XPO5: variants seen among roughly 807,000 people sequenced by gnomAD.
XPO5 encodes the protein exportin-5.
In XPO5, 46 loss-of-function variants were observed where a neutral mutation model predicts 160.6. That is an observed-to-expected ratio of 0.29 (90% confidence interval 0.23 to 0.37). The LOEUF is 0.37. Ranked by LOEUF, XPO5 falls within the 10% of genes least tolerant of loss-of-function variation. XPO5 has a pLI of 1.00. For missense variants in XPO5, 1,090 were observed against 1,463.9 expected (o/e 0.74, Z 4.17); for synonymous variants, 537 against 519.3 (o/e 1.03, Z -0.46).
In XPO5 at chr6:43,525,918, T is replaced by C. The variant is rs1468330709; in HGVS notation, c.2987A>G (p.Glu996Gly). 6.2e-7 allele frequency: 1 copy of C among 1,613,970 alleles called. No homozygotes were observed. The highest frequency in any genetic ancestry group is 8.5e-7 in the Non-Finnish European group (1 of 1,179,866). ...GGTGACCTCTGTGGCCATCATTTCT[T>C]CATCTGTTATCAGAGAGTAGAATGT... ...SSAPPADGDD[E>G]EMMATEVTPS... Residue 996 changes from glutamate (E) to glycine (G), a missense_variant, in exon 28 of 32, where the codon GAA (glutamate) becomes GGA (glycine). Glu to Gly is a moderately conservative substitution (Grantham distance 98). Coordinates refer to ENST00000265351, the MANE Select transcript of XPO5 (RefSeq NM_020750.3).
intron 19 of XPO5, 59 bp downstream of exon 19, chr6:43,547,549 G>T: frequency 1.3e-6 from 2 of 1,522,742 alleles, no homozygotes; most frequent in Admixed American, 1.7e-5. Context: ...CTTGACAAAA[G>T]ACAACACCCT....
chr6:43,524,813 C>G lies in XPO5; in HGVS notation c.3312+18G>C, dbSNP rs750370357. 1 of 1,612,486 alleles carries G rather than the reference C, an allele frequency of 6.2e-7. No individual in the cohort carries two copies. The highest frequency in any genetic ancestry group is 1.1e-5 in the South Asian group (1 of 90,992). On this transcript the variant is annotated intron_variant, in intron 30 of 31. Coordinates refer to ENST00000265351, the MANE Select transcript of XPO5 (RefSeq NM_020750.3). ...GATGAAGCTGCAGCCATCCTTCCCC[C>G]ATGCCTTCCCCACTCACCAGTGCCT...
At chr6:43,570,001 ATCTT>A (rs1292805232) in intron 5 of XPO5, among the ~76,000 whole-genome samples, 4 of 121,280 alleles carry the variant, frequency 3.3e-5, no homozygotes, top group Non-Finnish European at 4.9e-5. Context: ...CGAGATCCCT[ATCTT>A]TTTTTTTTTT....
At position 43,522,659 on chromosome 6, in the gene XPO5, C is replaced by T; in HGVS notation, c.*1209G>A. The T allele has an allele frequency of 2.1e-6, 1 of 465,514 alleles. No homozygotes were observed. Among genetic ancestry groups the T allele is most frequent in the Non-Finnish European group, 4.6e-6 (1 of 218,234 alleles). 28.8% of individuals were successfully genotyped at this position (465,514 alleles called of 1,614,324 possible). ...CTTCTCAATCTGACCCTGCCTGTGG[C>T]CCGCACCAGCTAAAAACTGTAGCTT... On this transcript the variant is annotated 3_prime_UTR_variant, in exon 32 of 32. Transcript: ENST00000265351.
chr6:43,528,476 C>T (rs1793738520), intron 24 of XPO5, among the ~76,000 whole-genome samples: 1 of 152,108 alleles, frequency 6.6e-6, no homozygotes, highest in Non-Finnish European at 1.5e-5. Context: ...TCTAGACATA[C>T]CTGTTCTCCA....
At chr6:43,536,787 A>AAAAAAAAAAG (rs1561869430) in intron 20 of XPO5, among the ~76,000 whole-genome samples, 2 of 148,468 alleles carry the variant, frequency 1.3e-5, no homozygotes, top group African/African-American at 5.1e-5. Context: ...AAAAAAAAAA[A>AAAAAAAAAAG]AAAGCAGCTT....
At chr6:43,567,696 A>G (rs1399330532) in intron 6 of XPO5, among the ~76,000 whole-genome samples, 45 of 151,972 alleles carry the variant, frequency 3.0e-4, no homozygotes, top group Admixed American at 3.0e-3. Context: ...AGTTAAAACA[A>G]CAGCCTGGGC....
rs904693173 is a variant in XPO5, at chr6:43,547,588, C to T, written c.2160+20G>A. On this transcript the variant is annotated intron_variant, in intron 19 of 31. Transcript: ENST00000265351. ...CCTACCCATGGCCAATGCCACTTCC[C>T]ATTCCCAGGAAAGTCTTACTCGTGC... is the stretch of plus-strand genomic sequence containing the variant. The T allele has an allele frequency of 3.7e-6, 6 of 1,612,350 alleles. No individual in the cohort carries two copies. Among genetic ancestry groups the T allele is most frequent in the Admixed American group, 3.3e-5 (2 of 59,978 alleles).
At chr6:43,538,771 CTTT>C in intron 20 of XPO5, 4 of 532,638 alleles carry the variant, frequency 7.5e-6, no homozygotes, top group Non-Finnish European at 9.2e-6. Flanking sequence ...CTACATTTTT[CTTT>C]TTTTTTTTCC....
At position 43,567,235 on chromosome 6, in the gene XPO5, C is replaced by G; in HGVS notation, c.768G>C (p.Leu256Phe). The change falls in exon 7 of 32, where the codon TTG (leucine) becomes TTC (phenylalanine). Residue 256 changes from leucine to phenylalanine, a missense_variant. Coordinates refer to ENST00000265351, the MANE Select transcript of XPO5 (RefSeq NM_020750.3). The part of the protein sequence containing the change: ...ENCKLLEILC[L>F]LLNEQELQLG... ...ACTGAAGTTCCTGTTCATTCAACAG[C>G]AAACACAGTATCTCCAGGAGTTTAC... is the stretch of plus-strand genomic sequence containing the variant. 3 of 1,613,980 alleles carry G rather than the reference C, an allele frequency of 1.9e-6. No homozygotes were observed. Among genetic ancestry groups the G allele is most frequent in the Non-Finnish European group, 2.5e-6 (3 of 1,179,882 alleles).
chr6:43,563,985 C>T (rs1434205525), intron 8 of XPO5, among the ~76,000 whole-genome samples: 2 of 152,096 alleles, frequency 1.3e-5, no homozygotes, highest in Admixed American at 6.5e-5. Context: ...TGCAGGGGCA[C>T]AATCCTGGCT....
chr6:43,525,366 G>A lies in XPO5; in HGVS notation c.3067-152C>T, dbSNP rs994716502. On this transcript the variant is annotated intron_variant, in intron 28 of 31. Coordinates refer to ENST00000265351, the MANE Select transcript of XPO5 (RefSeq NM_020750.3). Reference sequence around the variant, plus strand: ...TTGCCCAGGCTGGTCCTGAACTCCTGGGCTCAAGCTATTCTCCCATCTAAG... The same window carrying A: ...TTGCCCAGGCTGGTCCTGAACTCCTAGGCTCAAGCTATTCTCCCATCTAAG... 1.6e-5 allele frequency: 11 copies of A among 697,088 alleles called. No individual in the cohort carries two copies. The African/African-American group carries it at 2.0e-4, about 13-fold the overall frequency. The allele number at this position is 697,088 out of a possible 1,614,324, so 43.2% of individuals were successfully genotyped here. A position where few individuals can be genotyped will look rare whatever the true frequency, so the allele number is the denominator to read the frequency against.
In XPO5 at chr6:43,525,886, C is replaced by CT; in HGVS notation, c.3018dup (p.Ala1007SerfsTer16). 6.2e-7 allele frequency: 1 copy of CT among 1,614,056 alleles called. No individual in the cohort carries two copies. The highest frequency in any genetic ancestry group is 8.5e-7 in the Non-Finnish European group (1 of 1,179,900). On this transcript the variant is annotated frameshift_variant, in exon 28 of 32. Coordinates refer to ENST00000265351, the MANE Select transcript of XPO5 (RefSeq NM_020750.3). LOFTEE classifies it high-confidence loss of function. The stretch of plus-strand genomic sequence containing the variant: ...CCCAGGTCTGTAAGCTCTGCCATAG[C>CT]TGAGGGGGTGACCTCTGTGGCCATC...
chr6:43,529,553 C>CA (rs1186641934), intron 23 of XPO5: 19,737 of 101,432 alleles, frequency 0.19, 3,139 homozygotes, highest in African/African-American at 0.47. Flanking sequence ...GACTCCGTCT[C>CA]AAAAAAAAAA....
intron 3 of XPO5, among the ~76,000 whole-genome samples, chr6:43,572,090 G>A (rs1389690926): frequency 2.0e-5 from 3 of 152,134 alleles, no homozygotes; most frequent in African/African-American, 7.2e-5. Context: ...GTTTTGTTTT[G>A]TTTTTGAGAT....
intron 7 of XPO5, among the ~76,000 whole-genome samples, chr6:43,566,136 T>C (rs1762683476): frequency 6.6e-6 from 1 of 152,168 alleles, no homozygotes; most frequent in South Asian, 2.1e-4. Context: ...CTCACACCTG[T>C]AATCCTAGCA....
intron 15 of XPO5, among the ~76,000 whole-genome samples, chr6:43,550,746 C>A (rs1245564260): frequency 6.6e-6 from 1 of 152,170 alleles, no homozygotes; most frequent in African/African-American, 2.4e-5. Flanking sequence ...AATACTCATG[C>A]TTTCTCTTCT....
chr6:43,573,992 G>T (rs541354761), intron 1 of XPO5, among the ~76,000 whole-genome samples: 2 of 151,768 alleles, frequency 1.3e-5, no homozygotes, highest in East Asian at 3.9e-4. Context: ...ACCACACCCA[G>T]CTAATTTTTG....
chr6:43,537,584 G>A (rs1794416735), intron 20 of XPO5, among the ~76,000 whole-genome samples: 1 of 152,174 alleles, frequency 6.6e-6, no homozygotes, highest in Non-Finnish European at 1.5e-5. Context: ...TTACAAACAT[G>A]TGGAGACTTA....
Sources: gnomAD v4.1 joint callset for allele counts (sites outside exome capture counted in the v4.1 genomes callset) on GRCh38, gnomAD v4.1.1 for gene constraint, MANE v1.5 for transcripts, NCBI Gene and HGNC (gene_info 2026-07-23, HGNC 2026-07-21) for gene names.